Variants in TIAM2 observed in about 807,000 individuals in gnomAD.
TIAM2 encodes the protein rho guanine nucleotide exchange factor TIAM2.
In TIAM2, 80 loss-of-function variants were observed where a neutral mutation model predicts 152.9. The ratio of observed to expected loss-of-function variants is 0.52; its 90% CI spans 0.44 to 0.63. TIAM2 has a LOEUF of 0.63. Ranked by LOEUF, TIAM2 falls within the 30% of genes least tolerant of loss-of-function variation. TIAM2 has a pLI of 0.00. For missense variants in TIAM2, 1,965 were observed against 2,120.1 expected (o/e 0.93, Z 1.44); for synonymous variants, 804 against 838.0 (o/e 0.96, Z 0.70).
intron 5 of TIAM2, among the ~76,000 whole-genome samples, chr6:155,139,433 C>T (rs149083431): frequency 1.3e-5 from 2 of 152,294 alleles, no homozygotes; most frequent in East Asian, 3.9e-4. Context: ...TGCTTGTAGA[C>T]ATTGTGGCTG....
intron 14 of TIAM2, among the ~76,000 whole-genome samples, chr6:155,203,357 T>C (rs1781523072): frequency 6.6e-6 from 1 of 152,228 alleles, no homozygotes; most frequent in South Asian, 2.1e-4. Flanking sequence ...TCTTTTCTGA[T>C]CTAAAATTCT....
At chr6:155,221,715 G>A (rs958860748) in intron 15 of TIAM2, among the ~76,000 whole-genome samples, 7 of 152,060 alleles carry the variant, frequency 4.6e-5, no homozygotes, top group Admixed American at 1.3e-4. Flanking sequence ...GGGGTTGAAC[G>A]GCAAGTGTCC....
At chr6:155,124,714 G>GT (rs142807100) in intron 2 of TIAM2, among the ~76,000 whole-genome samples, 10,924 of 152,170 alleles carry the variant, frequency 0.072, 533 homozygotes, top group East Asian at 0.25. Flanking sequence ...AAGTCTAGCA[G>GT]TTGCTATCCC....
intron 2 of TIAM2, among the ~76,000 whole-genome samples, chr6:155,100,824 A>G (rs1422533627): frequency 6.6e-6 from 1 of 152,184 alleles, no homozygotes; most frequent in Non-Finnish European, 1.5e-5. Context: ...GGTTAGAGAA[A>G]TTAAATGATG....
At chr6:155,029,767 A>T (rs1776788040) in intron 1 of TIAM2, among the ~76,000 whole-genome samples, 1 of 118,224 alleles carries the variant, frequency 8.5e-6, no homozygotes, top group South Asian at 2.5e-4. Context: ...TGTAGAAAAA[A>T]ACCTAAAGAC....
intron 14 of TIAM2, among the ~76,000 whole-genome samples, chr6:155,207,455 T>C (rs1366677261): frequency 6.6e-6 from 1 of 152,234 alleles, no homozygotes; most frequent in East Asian, 1.9e-4. Flanking sequence ...GCAGGGACTC[T>C]GTATGCACAG....
intron 14 of TIAM2, among the ~76,000 whole-genome samples, chr6:155,199,478 A>G (rs1271265560): frequency 6.6e-6 from 1 of 152,178 alleles, no homozygotes; most frequent in Non-Finnish European, 1.5e-5. Context: ...ATGGGTCTCA[A>G]ATAAGGTCTC....
intron 15 of TIAM2, among the ~76,000 whole-genome samples, chr6:155,228,576 C>G (rs1313673353): frequency 1.3e-5 from 2 of 152,082 alleles, no homozygotes; most frequent in African/African-American, 4.8e-5. Flanking sequence ...AATGCAGTTC[C>G]TGGCAGAGGA....
At chr6:155,114,051 T>TATATATA (rs1778948699) in intron 2 of TIAM2, among the ~76,000 whole-genome samples, 1 of 47,816 alleles carries the variant, frequency 2.1e-5, no homozygotes, top group African/African-American at 1.1e-4. Flanking sequence ...TTTTTTTTTC[T>TATATATA]TTTTTTTTTT....
intron 15 of TIAM2, among the ~76,000 whole-genome samples, chr6:155,224,844 G>A (rs1050705066): frequency 2.6e-5 from 4 of 152,220 alleles, no homozygotes; most frequent in Admixed American, 2.6e-4. Flanking sequence ...TCTGCACAGC[G>A]GGGATTTCAT....
intron 6 of TIAM2, among the ~76,000 whole-genome samples, chr6:155,145,068 G>A (rs956376543): frequency 6.6e-6 from 1 of 152,158 alleles, no homozygotes. Flanking sequence ...CTGTCCTGGA[G>A]TAGCTGGCGA....
At chr6:155,166,334 C>T (rs113450906) in intron 9 of TIAM2, among the ~76,000 whole-genome samples, 1,120 of 111,676 alleles carry the variant, frequency 0.01, 13 homozygotes, top group African/African-American at 0.028. Context: ...TTTTTTTTTT[C>T]TTTTTTTGAG....
rs555052186 is a variant in TIAM2, at chr6:155,224,114, TCTTGC to T, written c.3168+12808_3168+12812del. ...TCACCTGGCTGCCTTCTGTCAATAT[TCTTGC>T]GTAGAGATTGTAGTCCAATGAAAAC... is the stretch of plus-strand genomic sequence containing the variant. On this transcript the variant is annotated intron_variant, in intron 15 of 26. Transcript: ENST00000682666. 1.8e-3 allele frequency among the ~76,000 whole-genome samples: 272 copies of T among 152,310 alleles called. 1 individual carries two copies. Among genetic ancestry groups the T allele is most frequent in the African/African-American group, 6.2e-3 (256 of 41,566 alleles).
intron 1 of TIAM2, among the ~76,000 whole-genome samples, chr6:155,064,067 G>T (rs961942801): frequency 7.2e-5 from 11 of 152,118 alleles, no homozygotes; most frequent in Non-Finnish European, 1.2e-4. Flanking sequence ...ATATGTAAAG[G>T]CTAGATGTCT....
chr6:155,173,238 A>C (rs1192139704), intron 9 of TIAM2, among the ~76,000 whole-genome samples: 1 of 151,386 alleles, frequency 6.6e-6, no homozygotes, highest in African/African-American at 2.4e-5. Flanking sequence ...ACCAAAAATT[A>C]CATTTAACTT....
At chr6:155,067,033 G>A (rs981664885) in intron 1 of TIAM2, among the ~76,000 whole-genome samples, 3 of 152,138 alleles carry the variant, frequency 2.0e-5, no homozygotes, top group African/African-American at 7.2e-5. Context: ...CTGAGACGAT[G>A]ACAAGTTCTT....
At chr6:155,046,998 C>T (rs532196283) in intron 1 of TIAM2, among the ~76,000 whole-genome samples, 4 of 152,256 alleles carry the variant, frequency 2.6e-5, no homozygotes, top group East Asian at 3.9e-4. Context: ...GGTAAGGAAG[C>T]GAGAGGGAAA....
Position 155,245,693 on chromosome 6 carries a change from G to A in TIAM2, c.3614G>A (p.Cys1205Tyr). The A allele has an allele frequency of 6.2e-7, 1 of 1,611,726 alleles. No homozygotes were observed. The highest frequency in any genetic ancestry group is 8.5e-7 in the Non-Finnish European group (1 of 1,179,168). ...CACTTTAAACTGTACAGTGGATTCT[G>A]TGCTAACCATATCAAAGTACAGAAG... ...ADHFKLYSGF[C>Y]ANHIKVQKVL... The change falls in exon 19 of 27, where the codon TGT becomes TAT. Residue 1205 changes from cysteine to tyrosine, a missense_variant. Transcript: ENST00000682666.
At position 155,213,709 on chromosome 6, in the gene TIAM2, T is replaced by G. The variant is rs1363688762; in HGVS notation, c.3168+2402T>G. 6.6e-6 allele frequency among the ~76,000 whole-genome samples: 1 copy of G among 152,188 alleles called. No homozygotes were observed. Among genetic ancestry groups the G allele is most frequent in the African/African-American group, 2.4e-5 (1 of 41,458 alleles). ...CACTCTTCCTGGTGCCCAGGCTGTT[T>G]GTGCCAAAGGGTGCCTGCAGGCCAG... On this transcript the variant is annotated intron_variant, in intron 15 of 26. Transcript: ENST00000682666. The surrounding 1 kb of genome is among the most constrained non-coding windows in gnomAD (Gnocchi z 4.2).
Sources: allele counts gnomAD v4.1 joint callset (sites outside exome capture counted in the v4.1 genomes callset), GRCh38; gene constraint gnomAD v4.1.1; non-coding constraint Gnocchi (gnomAD v3.1); transcripts MANE v1.5; gene names NCBI Gene and HGNC (gene_info 2026-07-23, HGNC 2026-07-21).